The following PTN variants were observed in gnomAD, a reference collection of about 807,000 sequenced individuals.
PTN encodes pleiotrophin.
PTN carries 18 observed loss-of-function variants against 24.1 expected under a neutral mutation model. The ratio of observed to expected loss-of-function variants is 0.75; its 90% CI spans 0.52 to 1.11. The LOEUF (loss-of-function observed/expected upper bound fraction) is 1.11. Among genes scored for constraint, PTN ranks in the 50% least tolerant of loss-of-function variants. The probability of loss-of-function intolerance (pLI) is 0.00; values close to 1 mark genes in which losing one functional copy is unlikely to be tolerated. For missense variants in PTN, 163 were observed against 198.8 expected, an observed-to-expected ratio of 0.82 and a Z score of 1.08; for synonymous variants, 78 against 68.6, an observed-to-expected ratio of 1.14 and a Z score of -0.67.
chr7:137,247,216 CTA>C (rs1808738625), intron 4 of PTN, among the ~76,000 whole-genome samples: 2 of 152,144 alleles, frequency 1.3e-5, no homozygotes, highest in African/African-American at 4.8e-5. Flanking sequence ...ATCTGTACCC[CTA>C]TGTTTGTTGC....
intron 1 of PTN, among the ~76,000 whole-genome samples, chr7:137,297,651 T>A (rs775884431): frequency 1.3e-5 from 2 of 151,746 alleles, no homozygotes; most frequent in Non-Finnish European, 2.9e-5. Context: ...AAACAGGCAA[T>A]GAGGGAGAGA....
chr7:137,252,020 A>C (rs1808835962), intron 3 of PTN, among the ~76,000 whole-genome samples: 1 of 152,046 alleles, frequency 6.6e-6, no homozygotes, highest in South Asian at 2.1e-4. Context: ...TTGTGGAAAC[A>C]TCAGTTTTCA....
intron 1 of PTN, among the ~76,000 whole-genome samples, chr7:137,333,232 G>A (rs532225737): frequency 1.2e-4 from 19 of 152,224 alleles, no homozygotes; most frequent in Non-Finnish European, 2.6e-4. Context: ...TCCACCATGA[G>A]TGGATGCCAT....
At chr7:137,309,300 A>G (rs1809943212) in intron 1 of PTN, among the ~76,000 whole-genome samples, 1 of 152,212 alleles carries the variant, frequency 6.6e-6, no homozygotes, top group Admixed American at 6.5e-5. Context: ...TTGTATTGCT[A>G]ATATATGCTA....
At chr7:137,287,687 C>T (rs1270995265) in intron 1 of PTN, 1 of 151,994 alleles carries the variant, frequency 6.6e-6, no homozygotes, top group African/African-American at 2.4e-5. Flanking sequence ...AAAAGTCTTA[C>T]AAATACATGA....
At chr7:137,250,193 C>T (rs894619551) in intron 4 of PTN, among the ~76,000 whole-genome samples, 2 of 152,076 alleles carry the variant, frequency 1.3e-5, no homozygotes, top group African/African-American at 4.8e-5. Flanking sequence ...GCTATAGCTC[C>T]TATAACAAAG....
intron 4 of PTN, among the ~76,000 whole-genome samples, chr7:137,233,664 G>A (rs1808467919): frequency 6.6e-6 from 1 of 151,622 alleles, no homozygotes; most frequent in Non-Finnish European, 1.5e-5. Context: ...TTTGAGACCT[G>A]GTTTTCTTGT....
At chr7:137,283,224 C>T (rs1262507502) in intron 1 of PTN, among the ~76,000 whole-genome samples, 4 of 152,146 alleles carry the variant, frequency 2.6e-5, no homozygotes, top group Non-Finnish European at 4.4e-5. Flanking sequence ...ATGCCTGGTT[C>T]CATACGAGGA....
At chr7:137,290,688 C>T (rs897377166) in intron 1 of PTN, among the ~76,000 whole-genome samples, 2 of 151,998 alleles carry the variant, frequency 1.3e-5, no homozygotes, top group African/African-American at 4.8e-5. Context: ...GTGACTGACT[C>T]AAAACCAACT....
intron 1 of PTN, among the ~76,000 whole-genome samples, chr7:137,327,106 G>C (rs1032212436): frequency 1.3e-5 from 2 of 152,156 alleles, no homozygotes; most frequent in Non-Finnish European, 2.9e-5. Flanking sequence ...AGGATTTCCA[G>C]AATGTAAAAG....
At chr7:137,340,810 G>A (rs1331913049) in intron 1 of PTN, among the ~76,000 whole-genome samples, 1 of 152,200 alleles carries the variant, frequency 6.6e-6, no homozygotes, top group African/African-American at 2.4e-5. Context: ...CTCAAACTGG[G>A]CTGAGGTGCA....
At chr7:137,241,251 C>T (rs1009589079) in intron 4 of PTN, among the ~76,000 whole-genome samples, 2 of 152,104 alleles carry the variant, frequency 1.3e-5, no homozygotes, top group Non-Finnish European at 2.9e-5. Context: ...AGATTTGTGT[C>T]GGGAAACAGA....
intron 1 of PTN, among the ~76,000 whole-genome samples, chr7:137,288,990 T>C (rs530864158): frequency 1.3e-5 from 2 of 152,298 alleles, no homozygotes; most frequent in African/African-American, 2.4e-5. Context: ...TTTGCACTTA[T>C]ATGCAGGTGC....
intron 1 of PTN, among the ~76,000 whole-genome samples, chr7:137,338,544 C>A (rs1810484525): frequency 6.6e-6 from 1 of 152,196 alleles, no homozygotes; most frequent in Admixed American, 6.5e-5. Flanking sequence ...AAAATGTGAT[C>A]CCTTTGTCAT....
At chr7:137,291,599 T>C (rs1430748578) in intron 1 of PTN, among the ~76,000 whole-genome samples, 3 of 152,032 alleles carry the variant, frequency 2.0e-5, no homozygotes, top group Non-Finnish European at 2.9e-5. Flanking sequence ...CCACCAGTTT[T>C]GACTTGAGTA....
intron 1 of PTN, among the ~76,000 whole-genome samples, chr7:137,333,405 T>C (rs1252579562): frequency 6.6e-6 from 1 of 152,188 alleles, no homozygotes; most frequent in African/African-American, 2.4e-5. Context: ...GTGAAGATTT[T>C]CTGTGTTACC....
At chr7:137,301,955 AACTG>A (rs146930944) in intron 1 of PTN, among the ~76,000 whole-genome samples, 22,142 of 151,922 alleles carry the variant, frequency 0.15, 1,761 homozygotes, top group South Asian at 0.2. Flanking sequence ...GACTTCTAGT[AACTG>A]ACTATTTTTG....
At chr7:137,276,832 A>T (rs1809368316) in intron 1 of PTN, among the ~76,000 whole-genome samples, 1 of 152,188 alleles carries the variant, frequency 6.6e-6, no homozygotes, top group African/African-American at 2.4e-5. Flanking sequence ...TTTACTCAGT[A>T]AAGTTTGATT....
At chr7:137,335,399 G>A (rs1377096641) in intron 1 of PTN, among the ~76,000 whole-genome samples, 1 of 152,112 alleles carries the variant, frequency 6.6e-6, no homozygotes, top group Admixed American at 6.6e-5. Flanking sequence ...ATCAGGTGGT[G>A]TCTGCAATTT....
Sources: allele counts gnomAD v4.1 joint callset (sites outside exome capture counted in the v4.1 genomes callset), GRCh38; gene constraint gnomAD v4.1.1; transcripts MANE v1.5; gene names NCBI Gene and HGNC (gene_info 2026-07-23, HGNC 2026-07-21).